Variants in MAP3K4 observed in about 807,000 individuals in gnomAD.
MAP3K4 encodes MAP three kinase 1.
Under a neutral mutation model 185.6 loss-of-function variants are expected in MAP3K4, and 67 were observed. The observed-to-expected ratio is 0.36, with a 90% confidence interval of 0.30 to 0.44. MAP3K4 has a LOEUF of 0.44. MAP3K4 is among the 20% of genes least tolerant of loss of function. The pLI is 1.00. For synonymous variants in MAP3K4, 702 were observed against 710.4 expected, an observed-to-expected ratio of 0.99 and a Z score of 0.19; for missense variants, 1,551 against 1,995.1, an observed-to-expected ratio of 0.78 and a Z score of 4.24.
At position 161,102,009 on chromosome 6, in the gene MAP3K4, G is replaced by T; in HGVS notation, c.3775+17G>T. ...AGCGAGATGGTGAGTGTTTTAAGGT[G>T]TTAGCTGCATTCACAACCAGTCTAA... On this transcript the variant is annotated intron_variant, in intron 18 of 26. Coordinates refer to ENST00000392142, the MANE Select transcript of MAP3K4 (RefSeq NM_005922.4). 1 of 1,594,228 alleles carries T rather than the reference G, an allele frequency of 6.3e-7. No homozygotes were observed. The highest frequency in any genetic ancestry group is 8.6e-7 in the Non-Finnish European group (1 of 1,162,548).
At chr6:161,099,193 G>A (rs930574032) in intron 17 of MAP3K4, among the ~76,000 whole-genome samples, 1 of 152,184 alleles carries the variant, frequency 6.6e-6, no homozygotes, top group African/African-American at 2.4e-5. Context: ...AAACTATGTA[G>A]ATTGGGGGTA....
rs1296812260 is a variant in MAP3K4 at position 161,015,049 on chromosome 6, C to T, written c.153-19210C>T. ...TTTGTGACTGGCTTCTTTCACTTAG[C>T]GTAAGATTTTCAAGTTTTGTCATAG... On this transcript the variant is annotated intron_variant, in intron 1 of 26. Coordinates refer to ENST00000392142, the MANE Select transcript of MAP3K4 (RefSeq NM_005922.4). 3.3e-5 allele frequency among the ~76,000 whole-genome samples: 5 copies of T among 151,990 alleles called. No homozygotes were observed. The East Asian group carries it at 5.8e-4, about 18-fold the overall frequency.
rs1554282313 is a variant in MAP3K4, at chr6:161,077,874, AATATAT to A, written c.2098-3002_2098-2997del. Among the ~76,000 whole-genome samples the A allele has an allele frequency of 8.5e-5, 13 of 152,070 alleles. No homozygotes were observed. Among genetic ancestry groups the A allele is most frequent in the Admixed American group, 8.5e-4 (13 of 15,270 alleles). ...AACTAAGGGAAAGAGATGGGAAAAA[AATATAT>A]ATATGTATTAATATGTATATACGAG... On this transcript the variant is annotated intron_variant, in intron 5 of 26. Transcript: ENST00000392142. This position sits in a 1 kb window ranked among gnomAD's most constrained non-coding sequence, Gnocchi z 4.3.
chr6:161,055,978 C>T (rs762978690), intron 3 of MAP3K4, among the ~76,000 whole-genome samples: 4 of 152,138 alleles, frequency 2.6e-5, no homozygotes, highest in Non-Finnish European at 4.4e-5. Context: ...TGCTTCTTCT[C>T]ATTTATTTGG....
chr6:161,023,352 T>G (rs1286402508), intron 1 of MAP3K4, among the ~76,000 whole-genome samples: 1 of 152,184 alleles, frequency 6.6e-6, no homozygotes, highest in Non-Finnish European at 1.5e-5. Flanking sequence ...CCTCCAGAAG[T>G]CTTTTAAATA....
In MAP3K4 at chr6:161,084,862, A is replaced by G. The variant is rs1472364530; in HGVS notation, c.2372+245A>G. On this transcript the variant is annotated intron_variant, in intron 7 of 26. Transcript: ENST00000392142. This position sits in a 1 kb window ranked among gnomAD's most constrained non-coding sequence, Gnocchi z 4.6. The stretch of plus-strand genomic sequence containing the variant: ...ATTTAGTGTGATAAAAATAGTGCCA[A>G]CTGGCTGGGCGCGGTGGCTCACGCC... Among the ~76,000 whole-genome samples the G allele has an allele frequency of 6.6e-6, 1 of 152,204 alleles. No individual in the cohort carries two copies. Among genetic ancestry groups the G allele is most frequent in the Non-Finnish European group, 1.5e-5 (1 of 68,034 alleles).
rs890422500 is a variant in MAP3K4, at chr6:161,084,535, A to C, written c.2290A>C (p.Ser764Arg). ...AGGAATGCTGCTGAAATCTACAGGA[A>C]GTTTTTTAGAATTTGGCTTACAGGA... ...IAGMLLKSTG[S>R]FLEFGLQESC... The change falls in exon 7 of 27, where the codon AGT (serine) becomes CGT (arginine). Residue 764 changes from serine to arginine, a missense_variant. By Grantham distance (110) the Ser-to-Arg change is moderately radical. Transcript: ENST00000392142. The surrounding 1 kb of genome is among the most constrained non-coding windows in gnomAD (Gnocchi z 4.6). 1.2e-6 allele frequency: 2 copies of C among 1,606,202 alleles called. No homozygotes were observed. Among genetic ancestry groups the C allele is most frequent in the African/African-American group, 2.7e-5 (2 of 74,758 alleles).
In MAP3K4 at chr6:161,077,417, C is replaced by G. The variant is rs568022932; in HGVS notation, c.2098-3464C>G. Among the ~76,000 whole-genome samples the G allele has an allele frequency of 6.6e-6, 1 of 152,264 alleles. No homozygotes were observed. Among genetic ancestry groups the G allele is most frequent in the African/African-American group, 2.4e-5 (1 of 41,556 alleles). On this transcript the variant is annotated intron_variant, in intron 5 of 26. Coordinates refer to ENST00000392142, the MANE Select transcript of MAP3K4 (RefSeq NM_005922.4). This position sits in a 1 kb window ranked among gnomAD's most constrained non-coding sequence, Gnocchi z 4.3. Reference sequence around the variant, plus strand: ...GAATACTTTTTAGAATTTTTTTAGCCTCTTTGCTTTTTAACTTATAAAGAG... The same window carrying G: ...GAATACTTTTTAGAATTTTTTTAGCGTCTTTGCTTTTTAACTTATAAAGAG...
intron 1 of MAP3K4, among the ~76,000 whole-genome samples, chr6:161,000,201 G>C (rs1203267974): frequency 6.6e-6 from 1 of 152,118 alleles, no homozygotes; most frequent in East Asian, 1.9e-4. Flanking sequence ...TTCTTATTCT[G>C]TTCTATTAAA....
chr6:161,116,919 G>A lies in MAP3K4; in HGVS notation c.*49G>A. The stretch of plus-strand genomic sequence containing the variant: ...AAAATTCTCTTAATCACTACTGTAT[G>A]TAATATTTACATAAAGACTGTGCTG... On this transcript the variant is annotated 3_prime_UTR_variant, in exon 27 of 27. Transcript: ENST00000392142. This position sits in a 1 kb window ranked among gnomAD's most constrained non-coding sequence, Gnocchi z 6.2. 1.9e-6 allele frequency: 3 copies of A among 1,544,362 alleles called. No individual in the cohort carries two copies. The highest frequency in any genetic ancestry group is 2.7e-6 in the Non-Finnish European group (3 of 1,116,620).
At position 161,086,318 on chromosome 6, in the gene MAP3K4, C is replaced by T; in HGVS notation, c.2373-61C>T. The T allele has an allele frequency of 3.3e-6, 3 of 909,020 alleles. No individual in the cohort carries two copies. Among genetic ancestry groups the T allele is most frequent in the South Asian group, 1.7e-5 (1 of 58,780 alleles). 56.3% of individuals were successfully genotyped at this position (909,020 alleles called of 1,614,324 possible). On this transcript the variant is annotated intron_variant, in intron 7 of 26. Transcript: ENST00000392142. This position sits in a 1 kb window ranked among gnomAD's most constrained non-coding sequence, Gnocchi z 4.8. ...TTTGCTTCATCTTTATTGTTAAATC[C>T]CTCTTGCACCTCTGGAATATTCCCT...
At position 161,084,676 on chromosome 6, in the gene MAP3K4, G is replaced by A. The variant is rs1370873681; in HGVS notation, c.2372+59G>A. ...TTATCTCGTAGTTTCCTTCCTCATGGTGAGATCCTAGAAGGAGCCTTGTTC... is the reference window on the plus strand; with the variant it reads ...TTATCTCGTAGTTTCCTTCCTCATGATGAGATCCTAGAAGGAGCCTTGTTC... On this transcript the variant is annotated intron_variant, in intron 7 of 26. Transcript: ENST00000392142. This position sits in a 1 kb window ranked among gnomAD's most constrained non-coding sequence, Gnocchi z 4.6. 47 of 1,030,682 alleles carry A rather than the reference G, an allele frequency of 4.6e-5. No homozygotes were observed. In the East Asian group the frequency reaches 1.1e-3, roughly 24 times the overall value. 63.8% of individuals were successfully genotyped at this position (1,030,682 alleles called of 1,614,324 possible).
chr6:161,046,484 A>C (rs1273547864), intron 2 of MAP3K4, among the ~76,000 whole-genome samples: 1 of 150,898 alleles, frequency 6.6e-6, no homozygotes, highest in Non-Finnish European at 1.5e-5. Context: ...GTAGATTAGT[A>C]CTAAAGATAA....
chr6:161,106,465 G>T lies in MAP3K4; in HGVS notation c.3857-49G>T. The T allele has an allele frequency of 2.8e-6, 4 of 1,405,304 alleles. No individual in the cohort carries two copies. In the South Asian group the frequency reaches 5.5e-5, roughly 19 times the overall value. 87.1% of individuals were successfully genotyped at this position (1,405,304 alleles called of 1,614,324 possible). ...TTTATTGGTTTGTCTTTTGGAAACT[G>T]ACTTGATAACAGTGATTGGGACTAA... On this transcript the variant is annotated intron_variant, in intron 19 of 26. Transcript: ENST00000392142. The surrounding 1 kb of genome is among the most constrained non-coding windows in gnomAD (Gnocchi z 4.9).
At chr6:161,000,092 G>A (rs753391643) in intron 1 of MAP3K4, among the ~76,000 whole-genome samples, 4 of 152,196 alleles carry the variant, frequency 2.6e-5, no homozygotes, top group Non-Finnish European at 5.9e-5. Flanking sequence ...GTGACCTACA[G>A]TAAGAAATAT....
Position 161,091,643 on chromosome 6 carries a change from A to G in MAP3K4, c.3135+103A>G. The G allele has an allele frequency of 1.0e-6, 1 of 991,466 alleles. No homozygotes were observed. Among genetic ancestry groups the G allele is most frequent in the Non-Finnish European group, 1.5e-6 (1 of 661,644 alleles). The allele number at this position is 991,466 out of a possible 1,614,324, so 61.4% of individuals were successfully genotyped here. On this transcript the variant is annotated intron_variant, in intron 12 of 26. Coordinates refer to ENST00000392142, the MANE Select transcript of MAP3K4 (RefSeq NM_005922.4). The surrounding 1 kb of genome is among the most constrained non-coding windows in gnomAD (Gnocchi z 5.5). ...ACAGTAAATCTGATATTGTAATCAT[A>G]GCTTAATCAAGAATATCATCTTATA...
rs949998057 is a variant in MAP3K4, at chr6:161,108,635, A to G, written c.4120-108A>G. 10 of 717,720 alleles carry G rather than the reference A, an allele frequency of 1.4e-5. No homozygotes were observed. Among genetic ancestry groups the G allele is most frequent in the Non-Finnish European group, 2.4e-5 (10 of 408,250 alleles). 44.5% of individuals were successfully genotyped at this position (717,720 alleles called of 1,614,324 possible). A position where few individuals can be genotyped will look rare whatever the true frequency, so the allele number is the denominator to read the frequency against. ...ATTTTTTGTTGTTTTTAATTGACAA[A>G]TCATGATTACATATATTTATGGGGT... On this transcript the variant is annotated intron_variant, in intron 21 of 26. Transcript: ENST00000392142. The surrounding 1 kb of genome is among the most constrained non-coding windows in gnomAD (Gnocchi z 5.7).
intron 1 of MAP3K4, among the ~76,000 whole-genome samples, chr6:161,014,716 A>T (rs1246838577): frequency 6.6e-6 from 1 of 152,198 alleles, no homozygotes; most frequent in African/African-American, 2.4e-5. Flanking sequence ...CTATAACAGT[A>T]GGGCTCTTGC....
At chr6:161,025,111 G>A (rs1478221440) in intron 1 of MAP3K4, among the ~76,000 whole-genome samples, 2 of 152,258 alleles carry the variant, frequency 1.3e-5, no homozygotes, top group East Asian at 3.9e-4. Flanking sequence ...TGCTCAGAGT[G>A]TCCCACCTTC....
Sources: gnomAD v4.1 joint callset for allele counts (sites outside exome capture counted in the v4.1 genomes callset) on GRCh38, gnomAD v4.1.1 for gene constraint, Gnocchi (gnomAD v3.1) non-coding constraint, MANE v1.5 for transcripts, NCBI Gene and HGNC (gene_info 2026-07-23, HGNC 2026-07-21) for gene names.